Variants in NBEAL1 observed in about 807,000 individuals in gnomAD.
The protein encoded by NBEAL1 is neurobeachin-like protein 1.
NBEAL1 carries 273 observed loss-of-function variants against 351.3 expected under a neutral mutation model. The observed-to-expected ratio is 0.78, with a 90% confidence interval of 0.70 to 0.86. The LOEUF (loss-of-function observed/expected upper bound fraction) is 0.86. Ranked by LOEUF, NBEAL1 falls within the 40% of genes least tolerant of loss-of-function variation. NBEAL1 has a pLI of 0.00. For missense variants in NBEAL1, 2,961 were observed against 3,201.3 expected, an observed-to-expected ratio of 0.92 and a Z score of 1.81; for synonymous variants, 1,050 against 1,086.4, an observed-to-expected ratio of 0.97 and a Z score of 0.66.
At chr2:203,064,282 A>T (rs942477081) in intron 6 of NBEAL1, among the ~76,000 whole-genome samples, 1 of 152,066 alleles carries the variant, frequency 6.6e-6, no homozygotes, top group Non-Finnish European at 1.5e-5. Context: ...TGAACTCCTG[A>T]CCTCAGTTGA....
Position 203,127,766 on chromosome 2 carries a change from T to C in NBEAL1, c.3249-15T>C. 1 of 1,460,990 alleles carries C rather than the reference T, an allele frequency of 6.8e-7. No homozygotes were observed. Among genetic ancestry groups the C allele is most frequent in the Non-Finnish European group, 9.3e-7 (1 of 1,072,460 alleles). 90.5% of individuals were successfully genotyped at this position (1,460,990 alleles called of 1,614,324 possible). Reference sequence around the variant, plus strand: ...AATTAAAATTTCAATTCTTATACTTTGTTTTGTCTTTCAGGAATGGTTGTA... The same window carrying C: ...AATTAAAATTTCAATTCTTATACTTCGTTTTGTCTTTCAGGAATGGTTGTA... On this transcript the variant is annotated splice_polypyrimidine_tract_variant and intron_variant, in intron 23 of 55. Transcript: ENST00000683969.
chr2:203,213,016 G>A (rs2065828894), intron 54 of NBEAL1, among the ~76,000 whole-genome samples: 1 of 152,030 alleles, frequency 6.6e-6, no homozygotes, highest in Non-Finnish European at 1.5e-5. Context: ...AGAACACTAA[G>A]GATAAAAATC....
At chr2:203,139,079 G>T (rs952069519) in intron 31 of NBEAL1, among the ~76,000 whole-genome samples, 2 of 151,818 alleles carry the variant, frequency 1.3e-5, no homozygotes, top group Non-Finnish European at 2.9e-5. Context: ...GCAGTTTAGG[G>T]CTTGAATTTT....
intron 19 of NBEAL1, 24 bp from the exon 20 acceptor site, chr2:203,125,328 T>C (rs981849493): frequency 4.9e-6 from 7 of 1,436,886 alleles, no homozygotes; most frequent in Non-Finnish European, 6.4e-6. Context: ...TTATAAGATT[T>C]AAACATTATA....
intron 2 of NBEAL1, among the ~76,000 whole-genome samples, chr2:203,034,025 C>T (rs2060997023): frequency 6.6e-6 from 1 of 152,208 alleles, no homozygotes; most frequent in African/African-American, 2.4e-5. Context: ...TGTTGCTTCA[C>T]AGGCTGTTTT....
intron 41 of NBEAL1, among the ~76,000 whole-genome samples, 195 bp from the exon 42 acceptor site, chr2:203,174,951 GA>G (rs2064451125): frequency 6.6e-6 from 1 of 151,846 alleles, no homozygotes; most frequent in Admixed American, 6.6e-5. Context: ...TTGTTGTTCA[GA>G]AAAAAGTATT....
At position 203,213,613 on chromosome 2, in the gene NBEAL1, AT is replaced by A; in HGVS notation, c.8031del (p.Asp2677GlufsTer4). 6.2e-7 allele frequency: 1 copy of A among 1,614,088 alleles called. No individual in the cohort carries two copies. The highest frequency in any genetic ancestry group is 8.5e-7 in the Non-Finnish European group (1 of 1,179,978). On this transcript the variant is annotated frameshift_variant, in exon 55 of 56. Transcript: ENST00000683969. LOFTEE classifies it high-confidence loss of function. ...AGCCATATTCTTGTAGGTTTAGAAG[AT>A]GGCAAATTGATTGTAGTGGGTGTTG... ...EYSHILVGLE[D>X]GKLIVVGVGK... is the part of the protein sequence containing the mutation.
In NBEAL1 at chr2:203,167,366, T is replaced by C. The variant is rs201117428; in HGVS notation, c.5997+6T>C. On this transcript the variant is annotated splice_donor_region_variant and intron_variant, in intron 38 of 55. Coordinates refer to ENST00000683969, the MANE Select transcript of NBEAL1 (RefSeq NM_001378026.1). Reference sequence around the variant, plus strand: ...TTCTCAATTTCAAAAAAGAGGTATGTATTATGGTTTCAGGAAATCCCAAAA... The same window carrying C: ...TTCTCAATTTCAAAAAAGAGGTATGCATTATGGTTTCAGGAAATCCCAAAA... 2.5e-5 allele frequency: 39 copies of C among 1,589,422 alleles called. No individual in the cohort carries two copies. Among genetic ancestry groups the C allele is most frequent in the African/African-American group, 2.7e-5 (2 of 73,616 alleles).
chr2:203,199,707 T>G (rs1052254202), intron 49 of NBEAL1, among the ~76,000 whole-genome samples: 1 of 152,008 alleles, frequency 6.6e-6, no homozygotes, highest in Admixed American at 6.6e-5. Context: ...TCTCAAACCC[T>G]TGACCTCAAG....
intron 6 of NBEAL1, among the ~76,000 whole-genome samples, chr2:203,064,571 A>G (rs754204701): frequency 8.5e-5 from 13 of 152,228 alleles, no homozygotes; most frequent in Middle Eastern, 6.3e-3. Flanking sequence ...AAGCATGCAT[A>G]ATCTGAATCT....
intron 3 of NBEAL1, 105 bp downstream of exon 3, chr2:203,041,961 GA>G: frequency 2.7e-6 from 2 of 741,890 alleles, no homozygotes; most frequent in Non-Finnish European, 2.4e-6. Flanking sequence ...TTACCCTCTT[GA>G]TACTCATGAA....
rs893833482 is a variant in NBEAL1 at position 203,036,710 on chromosome 2, C to CT, written c.52-5047dup. 2.7e-5 allele frequency among the ~76,000 whole-genome samples: 4 copies of CT among 148,918 alleles called. 1 individual carries two copies. The highest frequency in any genetic ancestry group is 2.0e-4 in the Admixed American group (3 of 14,798). ...AATGAAACACCTCCAAATTTAAGTA[C>CT]TTTTTTTTCCCTTATAGTTGCTCAA... On this transcript the variant is annotated intron_variant, in intron 2 of 55. Coordinates refer to ENST00000683969, the MANE Select transcript of NBEAL1 (RefSeq NM_001378026.1).
chr2:203,206,561 G>C (rs1434522183), intron 51 of NBEAL1, among the ~76,000 whole-genome samples: 1 of 149,824 alleles, frequency 6.7e-6, no homozygotes, highest in Non-Finnish European at 1.5e-5. Context: ...AATTGCAGGC[G>C]CGCGCCGCCA....
intron 2 of NBEAL1, among the ~76,000 whole-genome samples, chr2:203,033,698 T>C (rs1428948191): frequency 6.6e-6 from 1 of 152,214 alleles, no homozygotes; most frequent in Non-Finnish European, 1.5e-5. Context: ...ATTGTATCTA[T>C]TATCATCCAA....
intron 9 of NBEAL1, 85 bp from the exon 10 acceptor site, chr2:203,084,378 T>A: frequency 1.6e-6 from 1 of 616,458 alleles, no homozygotes; most frequent in Non-Finnish European, 2.5e-6. Context: ...GTTTTAAAAA[T>A]TAAAAAGAAA....
chr2:203,041,960 T>TGA lies in NBEAL1; in HGVS notation c.143+105_143+106dup, dbSNP rs2061149355. The TGA allele has an allele frequency of 4.1e-6, 3 of 740,174 alleles. No homozygotes were observed. In the African/African-American group the frequency reaches 5.3e-5, roughly 13 times the overall value. The allele number at this position is 740,174 out of a possible 1,614,324, so 45.9% of individuals were successfully genotyped here. A position where few individuals can be genotyped will look rare whatever the true frequency, so the allele number is the denominator to read the frequency against. On this transcript the variant is annotated intron_variant, in intron 3 of 55. Transcript: ENST00000683969. ...AAGGATGGCAATTATGTTACCCTCT[T>TGA]GATACTCATGAATAACCCTATTCTC...
chr2:203,081,856 CT>C (rs1359860345), intron 8 of NBEAL1, among the ~76,000 whole-genome samples: 24 of 152,206 alleles, frequency 1.6e-4, no homozygotes, highest in African/African-American at 5.8e-4. Context: ...AAGCCCAGAA[CT>C]TTGGGAGACT....
chr2:203,048,380 C>CA lies in NBEAL1; in HGVS notation c.144-1414dup, dbSNP rs56116456. ...CTGGCAACACAGCGAGACTCCATCT[C>CA]AAAAAAAAAAAAAAAAAAAATCCAT... On this transcript the variant is annotated intron_variant, in intron 3 of 55. Coordinates refer to ENST00000683969, the MANE Select transcript of NBEAL1 (RefSeq NM_001378026.1). Among the ~76,000 whole-genome samples the CA allele has an allele frequency of 5.9e-3, 686 of 117,004 alleles. 18 individuals carry two copies. The highest frequency in any genetic ancestry group is 0.055 in the East Asian group (220 of 3,970). 76.8% of individuals were successfully genotyped at this position (117,004 alleles called of 152,430 possible). A position where few individuals can be genotyped will look rare whatever the true frequency, so the allele number is the denominator to read the frequency against.
At chr2:203,195,405 A>G (rs1428602628) in intron 47 of NBEAL1, among the ~76,000 whole-genome samples, 1 of 152,188 alleles carries the variant, frequency 6.6e-6, no homozygotes, top group Non-Finnish European at 1.5e-5. Context: ...TAGTGTTGCA[A>G]TACAAACTCT....
Sources: gnomAD v4.1 joint callset for allele counts (sites outside exome capture counted in the v4.1 genomes callset) on GRCh38, gnomAD v4.1.1 for gene constraint, MANE v1.5 for transcripts, NCBI Gene and HGNC (gene_info 2026-07-23, HGNC 2026-07-21) for gene names.